CENPP: variants seen among roughly 807,000 people sequenced by gnomAD.
CENPP encodes centromere protein P.
In CENPP, 24 loss-of-function variants were observed where a neutral mutation model predicts 35.6. The observed-to-expected ratio is 0.67, with a 90% CI of 0.49 to 0.95. CENPP has a LOEUF of 0.95. Ranked by LOEUF, CENPP falls within the 40% of genes least tolerant of loss-of-function variation. CENPP has a pLI of 0.00. For synonymous variants in CENPP, 120 were observed against 125.5 expected (o/e 0.96, Z 0.29); for missense variants, 332 against 345.3 (o/e 0.96, Z 0.31).
At chr9:92,416,045 A>AT (rs1346400926) in intron 5 of CENPP, among the ~76,000 whole-genome samples, 2 of 104,146 alleles carry the variant, frequency 1.9e-5, no homozygotes, top group Non-Finnish European at 4.2e-5. Context: ...AAATAAATAT[A>AT]TTATATATGT....
intron 5 of CENPP, among the ~76,000 whole-genome samples, chr9:92,471,584 C>T (rs1564339819): frequency 6.6e-6 from 1 of 151,878 alleles, no homozygotes; most frequent in Non-Finnish European, 1.5e-5. Context: ...AAAAACTTTA[C>T]CACCCATTTC....
intron 5 of CENPP, among the ~76,000 whole-genome samples, chr9:92,583,418 C>T (rs1850474186): frequency 6.6e-6 from 1 of 152,104 alleles, no homozygotes; most frequent in Non-Finnish European, 1.5e-5. Context: ...AGCTTTGTAC[C>T]TATTAATCTG....
chr9:92,403,164 A>G, intron 5 of CENPP: 2 of 1,059,104 alleles, frequency 1.9e-6, no homozygotes, highest in Non-Finnish European at 2.7e-6. Context: ...AGACACATTC[A>G]GGAAAAGCAA....
intron 5 of CENPP, among the ~76,000 whole-genome samples, chr9:92,481,551 A>T (rs1845912535): frequency 1.3e-5 from 2 of 152,230 alleles, no homozygotes; most frequent in African/African-American, 4.8e-5. Flanking sequence ...AATATTGAAT[A>T]CATTGCTTAA....
At chr9:92,338,583 A>G (rs189385237) in intron 3 of CENPP, among the ~76,000 whole-genome samples, 2 of 152,322 alleles carry the variant, frequency 1.3e-5, no homozygotes, top group East Asian at 3.9e-4. Flanking sequence ...GTACGTGTTC[A>G]GTACAGATCC....
intron 5 of CENPP, chr9:92,495,723 A>G: frequency 1.1e-6 from 1 of 925,874 alleles, no homozygotes; most frequent in South Asian, 5.0e-5. Context: ...TATGATTTTC[A>G]AAACCAGGAA....
chr9:92,480,238 T>G (rs1564345284), intron 5 of CENPP, among the ~76,000 whole-genome samples: 1 of 152,218 alleles, frequency 6.6e-6, no homozygotes, highest in Non-Finnish European at 1.5e-5. Flanking sequence ...AGAGTAGTGT[T>G]TGGAGTATTC....
At chr9:92,567,393 T>TATATATATATATATATATATAG (rs1554688302) in intron 5 of CENPP, among the ~76,000 whole-genome samples, 1 of 124,920 alleles carries the variant, frequency 8.0e-6, no homozygotes, top group Non-Finnish European at 1.6e-5. Flanking sequence ...TATATATATA[T>TATATATATATATATATATATAG]ATAGATATAT....
rs73651313 is a variant in CENPP, at chr9:92,377,349, C to A, written c.468-2414C>A. Reference sequence around the variant, plus strand: ...TGCAGTCAGACCCCTTGAATCAAAACGATTCCTTGGGAATGAGGTCTCTTT... The same window carrying A: ...TGCAGTCAGACCCCTTGAATCAAAAAGATTCCTTGGGAATGAGGTCTCTTT... On this transcript the variant is annotated intron_variant, in intron 4 of 7. Transcript: ENST00000375587. 5.4e-3 allele frequency among the ~76,000 whole-genome samples: 820 copies of A among 152,254 alleles called. 8 individuals are homozygous for A. Among genetic ancestry groups the A allele is most frequent in the African/African-American group, 0.018 (762 of 41,534 alleles).
At chr9:92,412,721 T>C (rs1230259445) in intron 5 of CENPP, among the ~76,000 whole-genome samples, 1 of 152,214 alleles carries the variant, frequency 6.6e-6, no homozygotes, top group Non-Finnish European at 1.5e-5. Context: ...AATATTCCAC[T>C]GTATGGATAT....
At chr9:92,422,461 G>T (rs997313639) in intron 5 of CENPP, among the ~76,000 whole-genome samples, 4 of 152,140 alleles carry the variant, frequency 2.6e-5, no homozygotes, top group Non-Finnish European at 4.4e-5. Flanking sequence ...ATGAAAAATT[G>T]TTGGGAAAAA....
chr9:92,562,356 C>G (rs1015531261), intron 5 of CENPP, among the ~76,000 whole-genome samples: 10 of 152,070 alleles, frequency 6.6e-5, no homozygotes, highest in East Asian at 1.9e-4. Flanking sequence ...AGGCGCCCAC[C>G]ACCACGCCCA....
intron 5 of CENPP, among the ~76,000 whole-genome samples, chr9:92,471,440 C>G (rs1845511402): frequency 6.6e-6 from 1 of 151,968 alleles, no homozygotes; most frequent in Non-Finnish European, 1.5e-5. Context: ...CGTGATTCGC[C>G]TGACTGGGCC....
chr9:92,495,247 C>A (rs1846291376), intron 5 of CENPP: 1 of 704,150 alleles, frequency 1.4e-6, no homozygotes, highest in Admixed American at 6.3e-5. Flanking sequence ...CTGAGAGTAA[C>A]AAAAGAAGTC....
intron 5 of CENPP, among the ~76,000 whole-genome samples, chr9:92,475,354 A>G (rs1457346914): frequency 2.6e-5 from 4 of 152,230 alleles, no homozygotes; most frequent in Non-Finnish European, 4.4e-5. Flanking sequence ...AAAAGCAAAT[A>G]TAAAAAATCC....
chr9:92,349,358 G>A (rs979065675), intron 4 of CENPP, among the ~76,000 whole-genome samples: 1 of 149,382 alleles, frequency 6.7e-6, no homozygotes, highest in East Asian at 1.9e-4. Flanking sequence ...GGATATCTGG[G>A]TTATTTTCAG....
intron 5 of CENPP, among the ~76,000 whole-genome samples, chr9:92,547,303 A>G (rs1224253077): frequency 6.6e-6 from 1 of 152,264 alleles, no homozygotes; most frequent in Non-Finnish European, 1.5e-5. Flanking sequence ...TACTAGCTGT[A>G]TCCCCAAGAG....
intron 5 of CENPP, among the ~76,000 whole-genome samples, chr9:92,411,693 T>C (rs1299684584): frequency 6.6e-6 from 1 of 152,232 alleles, no homozygotes; most frequent in Non-Finnish European, 1.5e-5. Context: ...GAGATACAAA[T>C]TGAAACTCCA....
In CENPP at chr9:92,345,760, G is replaced by A; in HGVS notation, c.440G>A (p.Cys147Tyr). The A allele has an allele frequency of 6.2e-7, 1 of 1,602,596 alleles. No individual in the cohort carries two copies. Among genetic ancestry groups the A allele is most frequent in the Non-Finnish European group, 8.5e-7 (1 of 1,170,624 alleles). ...AACATAATAATGGAGCCCACAGAATGCTCAGAATTAAGTGAATTTGTGTCT... is the reference window on the plus strand; with the variant it reads ...AACATAATAATGGAGCCCACAGAATACTCAGAATTAAGTGAATTTGTGTCT... ...DLNIIMEPTE[C>Y]SELSEFVSRA... The change falls in exon 4 of 8, where the codon TGC becomes TAC. Residue 147 changes from cysteine to tyrosine, a missense_variant. Cys to Tyr is a radical substitution (Grantham distance 194). Coordinates refer to ENST00000375587, the MANE Select transcript of CENPP (RefSeq NM_001012267.3).
Sources: allele counts gnomAD v4.1 joint callset (sites outside exome capture counted in the v4.1 genomes callset), GRCh38; gene constraint gnomAD v4.1.1; transcripts MANE v1.5; gene names NCBI Gene and HGNC (gene_info 2026-07-23, HGNC 2026-07-21).